Variants in SUCLG2 observed in about 807,000 individuals in gnomAD.
SUCLG2 encodes the protein succinate--CoA ligase [GDP-forming] subunit beta, mitochondrial.
Under a neutral mutation model 47.9 loss-of-function variants are expected in SUCLG2, and 42 were observed. The observed-to-expected ratio is 0.88, with a 90% CI of 0.69 to 1.14. The LOEUF (loss-of-function observed/expected upper bound fraction) is 1.14. Ranked by LOEUF, SUCLG2 falls within the 50% of genes most tolerant of loss-of-function variation. The probability of loss-of-function intolerance (pLI) is 0.00; values close to 1 mark genes in which losing one functional copy is unlikely to be tolerated. For missense variants in SUCLG2, 571 were observed against 525.9 expected (o/e 1.09, Z -0.84); for synonymous variants, 195 against 197.3 (o/e 0.99, Z 0.10).
rs143416616 is a variant in SUCLG2, at chr3:67,458,401, T to G, written c.1062+37397A>C. Among the ~76,000 whole-genome samples the G allele has an allele frequency of 5.6e-3, 854 of 152,256 alleles. 2 individuals are homozygous for G. Among genetic ancestry groups the G allele is most frequent in the Middle Eastern group, 0.01 (3 of 294 alleles). ...CCAATTTGAATAACGCCTCCTATAATAAGTCGAGGGGGTAGGGCTTTACTG... is the reference window on the plus strand; with the variant it reads ...CCAATTTGAATAACGCCTCCTATAAGAAGTCGAGGGGGTAGGGCTTTACTG... On this transcript the variant is annotated intron_variant, in intron 9 of 10. Transcript: ENST00000307227.
At chr3:67,488,621 TAA>T (rs1417983022) in intron 9 of SUCLG2, among the ~76,000 whole-genome samples, 1 of 152,188 alleles carries the variant, frequency 6.6e-6, no homozygotes, top group Non-Finnish European at 1.5e-5. Flanking sequence ...CCCTGCCACA[TAA>T]GATTATTCTT....
At chr3:67,642,889 T>A (rs1701124943) in intron 1 of SUCLG2, among the ~76,000 whole-genome samples, 1 of 151,386 alleles carries the variant, frequency 6.6e-6, no homozygotes. Flanking sequence ...TAATAGCCAT[T>A]GTACAGGCAA....
At chr3:67,363,495 C>G (rs1391188623) in intron 10 of SUCLG2, among the ~76,000 whole-genome samples, 2 of 151,996 alleles carry the variant, frequency 1.3e-5, no homozygotes, top group Non-Finnish European at 2.9e-5. Flanking sequence ...GAAAAACGCC[C>G]GTCATACAGT....
At chr3:67,529,033 G>C (rs1025389181) in intron 3 of SUCLG2, 54 bp downstream of exon 3, 1 of 1,491,346 alleles carries the variant, frequency 6.7e-7, no homozygotes, top group Non-Finnish European at 9.2e-7. Flanking sequence ...TCTTGAGCAA[G>C]ATCTTCCATA....
intron 9 of SUCLG2, among the ~76,000 whole-genome samples, chr3:67,431,682 G>C (rs1344282901): frequency 6.7e-6 from 1 of 149,456 alleles, no homozygotes; most frequent in Non-Finnish European, 1.5e-5. Context: ...GGTGGGAACT[G>C]AACAATCAGA....
At chr3:67,389,302 T>A (rs1356567685) in intron 10 of SUCLG2, among the ~76,000 whole-genome samples, 2 of 151,988 alleles carry the variant, frequency 1.3e-5, no homozygotes, top group Admixed American at 6.6e-5. Context: ...TGGGAGAGGA[T>A]CAGAGATGAA....
At chr3:67,377,815 A>C (rs906450004) in intron 10 of SUCLG2, among the ~76,000 whole-genome samples, 1 of 152,096 alleles carries the variant, frequency 6.6e-6, no homozygotes, top group African/African-American at 2.4e-5. Flanking sequence ...CACCACGCCC[A>C]GCTATTTTTT....
At chr3:67,618,397 A>T (rs7648409) in intron 1 of SUCLG2, among the ~76,000 whole-genome samples, 1 of 151,902 alleles carries the variant, frequency 6.6e-6, no homozygotes, top group African/African-American at 2.4e-5. Flanking sequence ...CCAGCCTGGC[A>T]ACAGAACAAA....
chr3:67,447,753 G>A (rs181417592), intron 9 of SUCLG2, among the ~76,000 whole-genome samples: 10 of 151,998 alleles, frequency 6.6e-5, no homozygotes, highest in Admixed American at 3.3e-4. Flanking sequence ...TTATTGAGAC[G>A]GAGTCTTGCT....
chr3:67,464,160 A>G (rs1704410158), intron 9 of SUCLG2, among the ~76,000 whole-genome samples: 1 of 152,214 alleles, frequency 6.6e-6, no homozygotes, highest in East Asian at 1.9e-4. Flanking sequence ...TTTTCTAATT[A>G]TTCTGTCAAG....
intron 9 of SUCLG2, among the ~76,000 whole-genome samples, chr3:67,427,481 G>C (rs1170987288): frequency 1.3e-5 from 2 of 152,168 alleles, no homozygotes; most frequent in African/African-American, 4.8e-5. Flanking sequence ...GGAAAAGTCA[G>C]TTCAACCTTA....
At chr3:67,395,280 C>G (rs370310034) in intron 10 of SUCLG2, among the ~76,000 whole-genome samples, 6 of 151,996 alleles carry the variant, frequency 3.9e-5, no homozygotes, top group Non-Finnish European at 8.8e-5. Flanking sequence ...GGAAACCCAT[C>G]TCATGTGCAG....
intron 9 of SUCLG2, among the ~76,000 whole-genome samples, chr3:67,457,264 A>T (rs1704209069): frequency 6.6e-6 from 1 of 152,230 alleles, no homozygotes; most frequent in Admixed American, 6.5e-5. Context: ...ATCCGGAAAC[A>T]GGTAAGCAAT....
chr3:67,636,545 G>A (rs999837687), intron 1 of SUCLG2, among the ~76,000 whole-genome samples: 2 of 152,036 alleles, frequency 1.3e-5, no homozygotes, highest in African/African-American at 4.8e-5. Flanking sequence ...GTAGAGACGG[G>A]GTTTCACCGT....
chr3:67,428,212 C>T (rs1703359157), intron 9 of SUCLG2, among the ~76,000 whole-genome samples: 2 of 152,228 alleles, frequency 1.3e-5, no homozygotes, highest in African/African-American at 4.8e-5. Context: ...CGACTGACAC[C>T]TCATACAGCA....
At chr3:67,366,343 C>CA (rs1220767325) in intron 10 of SUCLG2, among the ~76,000 whole-genome samples, 18 of 151,984 alleles carry the variant, frequency 1.2e-4, no homozygotes, top group Non-Finnish European at 2.4e-4. Context: ...GACTCCATCT[C>CA]AAAAAACAAA....
intron 2 of SUCLG2, among the ~76,000 whole-genome samples, chr3:67,533,369 T>C (rs910265190): frequency 3.1e-4 from 47 of 152,300 alleles, no homozygotes; most frequent in African/African-American, 1.1e-3. Flanking sequence ...GTCAATAATA[T>C]TGGACTTGCA....
intron 10 of SUCLG2, among the ~76,000 whole-genome samples, chr3:67,389,873 A>ATCAATAT (rs1207302409): frequency 6.6e-6 from 1 of 152,164 alleles, no homozygotes; most frequent in African/African-American, 2.4e-5. Flanking sequence ...CTTTATTCAT[A>ATCAATAT]TCAATATTAA....
chr3:67,487,863 T>C (rs1167263849), intron 9 of SUCLG2, among the ~76,000 whole-genome samples: 2 of 152,126 alleles, frequency 1.3e-5, no homozygotes, highest in Non-Finnish European at 1.5e-5. Flanking sequence ...CCCAGCTTTA[T>C]GTAAAGTTAT....
Sources: gnomAD v4.1 joint callset for allele counts (sites outside exome capture counted in the v4.1 genomes callset) on GRCh38, gnomAD v4.1.1 for gene constraint, MANE v1.5 for transcripts, NCBI Gene and HGNC (gene_info 2026-07-23, HGNC 2026-07-21) for gene names.